The following THSD4 variants were observed in gnomAD, a reference collection of about 807,000 sequenced individuals.
THSD4 encodes thrombospondin type-1 domain-containing protein 4.
THSD4 carries 69 observed loss-of-function variants against 119.0 expected under a neutral mutation model. The observed-to-expected ratio is 0.58, with a 90% confidence interval of 0.48 to 0.71. The LOEUF (loss-of-function observed/expected upper bound fraction) is 0.71. Ranked by LOEUF, THSD4 falls within the 30% of genes least tolerant of loss-of-function variation. The pLI is 0.00. For synonymous variants in THSD4, 524 were observed against 540.4 expected (o/e 0.97, Z 0.42); for missense variants, 1,393 against 1,391.1 (o/e 1.00, Z -0.02).
chr15:71,370,207 A>G (rs1408480827), intron 6 of THSD4, among the ~76,000 whole-genome samples: 1 of 151,896 alleles, frequency 6.6e-6, no homozygotes, highest in Non-Finnish European at 1.5e-5. Context: ...TGGTCTATCA[A>G]TTTTGTTGAT....
chr15:71,423,310 A>G (rs2046831561), intron 7 of THSD4, among the ~76,000 whole-genome samples: 1 of 152,152 alleles, frequency 6.6e-6, no homozygotes, highest in African/African-American at 2.4e-5. Flanking sequence ...CACAGCTTGA[A>G]GCTAGCAGAT....
intron 7 of THSD4, among the ~76,000 whole-genome samples, chr15:71,588,582 C>T (rs569667086): frequency 6.6e-6 from 1 of 152,040 alleles, no homozygotes; most frequent in East Asian, 2.0e-4. Flanking sequence ...TGCCACCACA[C>T]CCGGCTAATT....
intron 7 of THSD4, among the ~76,000 whole-genome samples, chr15:71,414,175 A>T (rs2046726755): frequency 6.6e-6 from 1 of 152,258 alleles, no homozygotes; most frequent in African/African-American, 2.4e-5. Flanking sequence ...AAGAATGAGG[A>T]GGATGGTACC....
chr15:71,397,097 G>A (rs974206373), intron 6 of THSD4, among the ~76,000 whole-genome samples: 8 of 152,146 alleles, frequency 5.3e-5, no homozygotes, highest in Admixed American at 5.2e-4. Context: ...GACCTGGACT[G>A]CTGGTTTACC....
intron 4 of THSD4, among the ~76,000 whole-genome samples, chr15:71,226,186 G>A (rs1270643538): frequency 1.3e-5 from 2 of 152,134 alleles, no homozygotes; most frequent in Non-Finnish European, 2.9e-5. Context: ...ACACAAGCCT[G>A]TTGTGAGGGT....
rs137930251 is a variant in THSD4, at chr15:71,777,352, C to G, written c.3035C>G (p.Thr1012Arg). The G allele has an allele frequency of 1.2e-6, 2 of 1,613,986 alleles. No individual in the cohort carries two copies. Among genetic ancestry groups the G allele is most frequent in the African/African-American group, 2.7e-5 (2 of 74,944 alleles). Reference protein sequence around the residue: ...ASCTRVANRQTGFLGSR With the variant: ...ASCTRVANRQRGFLGSR ...TGCACCCGTGTGGCCAACAGGCAGA[C>G]GGGCTTCCTGGGGAGCAGATAACAC... The change falls in exon 18 of 18, where the codon ACG (threonine) becomes AGG (arginine). Residue 1012 changes from threonine (T) to arginine (R), a missense_variant. Physicochemically the swap from Thr to Arg is moderately conservative, Grantham distance 71 (BLOSUM62 -1). Transcript: ENST00000261862.
chr15:71,362,463 A>G (rs10518954), intron 6 of THSD4, among the ~76,000 whole-genome samples: 29,839 of 152,148 alleles, frequency 0.2, 3,789 homozygotes, highest in East Asian at 0.54. Context: ...TCTGGGGTAG[A>G]ATAAATATTC....
At chr15:71,202,831 G>A (rs541454216) in intron 3 of THSD4, among the ~76,000 whole-genome samples, 1 of 152,286 alleles carries the variant, frequency 6.6e-6, no homozygotes, top group African/African-American at 2.4e-5. Flanking sequence ...AGGCCGATCT[G>A]AGTTTGAATT....
intron 3 of THSD4, among the ~76,000 whole-genome samples, chr15:71,157,051 G>C (rs1014057117): frequency 3.3e-5 from 5 of 152,126 alleles, no homozygotes; most frequent in African/African-American, 1.2e-4. Flanking sequence ...TTAATGTTTA[G>C]AATTATCAGG....
chr15:71,142,771 A>T (rs887723808), intron 2 of THSD4, among the ~76,000 whole-genome samples: 4 of 152,264 alleles, frequency 2.6e-5, no homozygotes, highest in Middle Eastern at 3.2e-3. Context: ...ATCTGGAATG[A>T]GGGGAAGGAA....
Position 71,215,225 on chromosome 15 carries a change from C to T in THSD4, c.290C>T (p.Ala97Val). Residue 97 changes from alanine to valine, a missense_variant, in exon 4 of 18, where the codon GCG becomes GTG. Physicochemically the swap from Ala to Val is moderately conservative, Grantham distance 64 (BLOSUM62 0). Transcript: ENST00000261862. Reference sequence around the variant, plus strand: ...GGCGGCCAGCGGCCTGGCGCCCCTGCGCGCGCCTTCGCGGACCACGTGGTG... The same window carrying T: ...GGCGGCCAGCGGCCTGGCGCCCCTGTGCGCGCCTTCGCGGACCACGTGGTG... ...LRGGQRPGAP[A>V]RAFADHVVSA... 1.4e-6 allele frequency: 2 copies of T among 1,410,258 alleles called. No homozygotes were observed. Among genetic ancestry groups the T allele is most frequent in the Non-Finnish European group, 9.2e-7 (1 of 1,088,510 alleles). 87.4% of individuals were successfully genotyped at this position (1,410,258 alleles called of 1,614,324 possible). A position where few individuals can be genotyped will look rare whatever the true frequency, so the allele number is the denominator to read the frequency against.
intron 3 of THSD4, among the ~76,000 whole-genome samples, chr15:71,202,940 TAA>T (rs1260415382): frequency 6.6e-6 from 1 of 152,064 alleles, no homozygotes; most frequent in African/African-American, 2.4e-5. Context: ...CAAAAATAAA[TAA>T]GACATGATTC....
chr15:71,556,665 A>G (rs767511576), intron 7 of THSD4, among the ~76,000 whole-genome samples: 2 of 151,854 alleles, frequency 1.3e-5, no homozygotes, highest in Non-Finnish European at 2.9e-5. Context: ...TGAAGAGGCT[A>G]GGGTGGGAGG....
chr15:71,343,509 C>T (rs1401792025), intron 6 of THSD4, among the ~76,000 whole-genome samples: 2 of 152,118 alleles, frequency 1.3e-5, no homozygotes, highest in Non-Finnish European at 2.9e-5. Context: ...GGTGAATCCT[C>T]ACTTTCCTCT....
At chr15:71,364,240 C>T (rs1369744984) in intron 6 of THSD4, among the ~76,000 whole-genome samples, 3 of 152,158 alleles carry the variant, frequency 2.0e-5, no homozygotes, top group Admixed American at 6.5e-5. Flanking sequence ...ACCCTGGGAG[C>T]CCCAGCCTGC....
intron 7 of THSD4, among the ~76,000 whole-genome samples, chr15:71,564,170 G>A (rs556874700): frequency 3.9e-5 from 6 of 152,162 alleles, no homozygotes; most frequent in African/African-American, 1.2e-4. Context: ...AAGTTGTAGA[G>A]GTAAGATGCC....
chr15:71,691,684 AGTTGAACT>A (rs1429798860), intron 8 of THSD4, among the ~76,000 whole-genome samples: 2 of 152,174 alleles, frequency 1.3e-5, no homozygotes, highest in African/African-American at 4.8e-5. Context: ...AGTAATGATG[AGTTGAACT>A]GTGCCTTTTC....
At chr15:71,507,895 C>T (rs1245352635) in intron 7 of THSD4, among the ~76,000 whole-genome samples, 1 of 152,220 alleles carries the variant, frequency 6.6e-6, no homozygotes, top group Non-Finnish European at 1.5e-5. Context: ...AAATTAACCA[C>T]TTCTCCAGTT....
intron 4 of THSD4, among the ~76,000 whole-genome samples, chr15:71,232,581 G>T (rs1267880226): frequency 6.6e-6 from 1 of 152,006 alleles, no homozygotes; most frequent in Admixed American, 6.6e-5. Context: ...AAGTAGGTAG[G>T]GTAGGGTTCC....
Sources: allele counts gnomAD v4.1 joint callset (sites outside exome capture counted in the v4.1 genomes callset), GRCh38; gene constraint gnomAD v4.1.1; transcripts MANE v1.5; gene names NCBI Gene and HGNC (gene_info 2026-07-23, HGNC 2026-07-21).